Variants in KCNT2 observed in about 807,000 individuals in gnomAD.
KCNT2 encodes potassium sodium-activated channel subfamily T member 2.
In KCNT2, 67 loss-of-function variants were observed where a neutral mutation model predicts 153.8. The observed-to-expected ratio is 0.44, with a 90% CI of 0.36 to 0.53. The LOEUF (loss-of-function observed/expected upper bound fraction) is 0.53, where lower values mean the gene tolerates loss of function less well. KCNT2 is among the 20% of genes least tolerant of loss of function. The pLI is 0.00. For missense variants in KCNT2, 975 were observed against 1,354.8 expected, an observed-to-expected ratio of 0.72 and a Z score of 4.40; for synonymous variants, 500 against 458.8, an observed-to-expected ratio of 1.09 and a Z score of -1.15.
At position 196,352,656 on chromosome 1, in the gene KCNT2, G is replaced by T. The variant is rs186479076; in HGVS notation, c.1404-10428C>A. 2.6e-5 allele frequency among the ~76,000 whole-genome samples: 4 copies of T among 152,114 alleles called. No homozygotes were observed. In the East Asian group the frequency reaches 7.7e-4, roughly 29 times the overall value. ...TTTTGTTGATCCTTTCAAAAAACCA[G>T]CTCCTGGATTCATTAATTTTTTGAA... is the stretch of plus-strand genomic sequence containing the variant. On this transcript the variant is annotated intron_variant, in intron 14 of 27. Coordinates refer to ENST00000294725, the MANE Select transcript of KCNT2 (RefSeq NM_198503.5).
At position 196,445,685 on chromosome 1, in the gene KCNT2, T is replaced by G. The variant is rs573589815; in HGVS notation, c.639-15928A>C. ...TAAAATCAACTGAAAAATTTCTCCC[T>G]TCTAAGAGATGGTTAATGAACTTAT... On this transcript the variant is annotated intron_variant, in intron 8 of 27. Transcript: ENST00000294725. Among the ~76,000 whole-genome samples, 147 of 151,568 alleles carry G rather than the reference T, an allele frequency of 9.7e-4. 1 individual carries two copies. The highest frequency in any genetic ancestry group is 2.0e-3 in the African/African-American group (84 of 41,488).
intron 1 of KCNT2, among the ~76,000 whole-genome samples, chr1:196,501,139 A>G (rs1680665950): frequency 6.6e-6 from 1 of 152,214 alleles, no homozygotes; most frequent in Admixed American, 6.5e-5. Flanking sequence ...GGTAAACAGT[A>G]TGGAGATTTT....
intron 12 of KCNT2, among the ~76,000 whole-genome samples, chr1:196,402,369 A>C (rs1309110782): frequency 2.0e-5 from 3 of 151,680 alleles, no homozygotes; most frequent in Non-Finnish European, 4.4e-5. Flanking sequence ...TCTATGGATA[A>C]ATTATTATAT....
At chr1:196,408,849 T>C (rs1194489105) in intron 12 of KCNT2, among the ~76,000 whole-genome samples, 2 of 151,568 alleles carry the variant, frequency 1.3e-5, no homozygotes, top group Non-Finnish European at 3.0e-5. Flanking sequence ...TTCCATTTTT[T>C]AGTGTAATAT....
At chr1:196,561,684 G>A (rs76219859) in intron 1 of KCNT2, among the ~76,000 whole-genome samples, 6,311 of 88,846 alleles carry the variant, frequency 0.071, no homozygotes, top group East Asian at 0.099. Context: ...AAAAGAAGAA[G>A]AAGAAAGAAT....
At chr1:196,418,763 T>C (rs1672954282) in intron 12 of KCNT2, among the ~76,000 whole-genome samples, 1 of 152,136 alleles carries the variant, frequency 6.6e-6, no homozygotes, top group South Asian at 2.1e-4. Flanking sequence ...AAAAGCCCTA[T>C]ATCCAAATAC....
chr1:196,354,271 C>T (rs1305268692), intron 14 of KCNT2, among the ~76,000 whole-genome samples: 1 of 151,730 alleles, frequency 6.6e-6, no homozygotes, highest in Non-Finnish European at 1.5e-5. Flanking sequence ...AGCACCTCTA[C>T]ACTGTAATCC....
chr1:196,337,282 A>G (rs1403391186), intron 16 of KCNT2, among the ~76,000 whole-genome samples: 3 of 151,390 alleles, frequency 2.0e-5, no homozygotes, highest in Non-Finnish European at 4.4e-5. Flanking sequence ...GTTCAATTTC[A>G]TTTTGTAAGG....
At chr1:196,261,167 C>T (rs373461020) in intron 25 of KCNT2, among the ~76,000 whole-genome samples, 18 of 151,812 alleles carry the variant, frequency 1.2e-4, no homozygotes, top group Non-Finnish European at 2.7e-4. Context: ...TAGTATAGTG[C>T]TGGATACACA....
At chr1:196,290,651 A>G (rs767113457) in intron 22 of KCNT2, among the ~76,000 whole-genome samples, 1 of 151,372 alleles carries the variant, frequency 6.6e-6, no homozygotes, top group African/African-American at 2.4e-5. Context: ...TTTTTTACTT[A>G]TGTACTATAA....
chr1:196,316,975 G>C (rs1316388283), intron 20 of KCNT2, among the ~76,000 whole-genome samples: 3 of 151,702 alleles, frequency 2.0e-5, no homozygotes, highest in Non-Finnish European at 4.4e-5. Flanking sequence ...CGTATCTTCT[G>C]ATTTATAATA....
intron 14 of KCNT2, among the ~76,000 whole-genome samples, chr1:196,348,124 T>C (rs1666294542): frequency 6.6e-6 from 1 of 152,078 alleles, no homozygotes; most frequent in Non-Finnish European, 1.5e-5. Context: ...GCTTTTCTAA[T>C]TATATAATTC....
intron 13 of KCNT2, among the ~76,000 whole-genome samples, chr1:196,376,070 C>A (rs1380062702): frequency 2.0e-5 from 3 of 151,822 alleles, no homozygotes; most frequent in African/African-American, 7.2e-5. Flanking sequence ...AACCACTAAT[C>A]CTCAGCCTGA....
At position 196,293,906 on chromosome 1, in the gene KCNT2, C is replaced by T. The variant is rs75874802; in HGVS notation, c.2596-8148G>A. Reference sequence around the variant, plus strand: ...ACAAAAAACAAAACAATTAATGGAACGAACAGACATCCTATAGATTAGGAG... The same window carrying T: ...ACAAAAAACAAAACAATTAATGGAATGAACAGACATCCTATAGATTAGGAG... On this transcript the variant is annotated intron_variant, in intron 22 of 27. Coordinates refer to ENST00000294725, the MANE Select transcript of KCNT2 (RefSeq NM_198503.5). Among the ~76,000 whole-genome samples, 562 of 148,698 alleles carry T rather than the reference C, an allele frequency of 3.8e-3. 3 individuals are homozygous for T. The highest frequency in any genetic ancestry group is 0.013 in the African/African-American group (525 of 40,636).
chr1:196,265,060 T>G (rs1443829634), intron 25 of KCNT2, among the ~76,000 whole-genome samples: 1 of 152,186 alleles, frequency 6.6e-6, no homozygotes, highest in African/African-American at 2.4e-5. Context: ...ATATGAGTTG[T>G]AGCCCTTTCA....
intron 8 of KCNT2, among the ~76,000 whole-genome samples, chr1:196,454,839 G>T (rs554903020): frequency 1.3e-5 from 2 of 151,928 alleles, no homozygotes; most frequent in Non-Finnish European, 2.9e-5. Context: ...GGCTCAGCCG[G>T]TTTCTTCTCT....
chr1:196,314,805 T>C (rs1223974270), intron 21 of KCNT2, among the ~76,000 whole-genome samples: 1 of 151,698 alleles, frequency 6.6e-6, no homozygotes, highest in African/African-American at 2.4e-5. Context: ...GGCTTTTCCC[T>C]TCTGCCACAT....
intron 15 of KCNT2, among the ~76,000 whole-genome samples, chr1:196,341,162 T>C (rs934861723): frequency 6.6e-6 from 1 of 152,008 alleles, no homozygotes; most frequent in Non-Finnish European, 1.5e-5. Context: ...TATTGTTAAA[T>C]AAAAAATGCT....
chr1:196,319,642 G>T, intron 19 of KCNT2, 87 bp from the exon 20 acceptor site: 1 of 795,686 alleles, frequency 1.3e-6, no homozygotes, highest in Non-Finnish European at 2.0e-6. Flanking sequence ...GACTTAGTTT[G>T]CATTTCCAAA....
Sources: gnomAD v4.1 joint callset for allele counts (sites outside exome capture counted in the v4.1 genomes callset) on GRCh38, gnomAD v4.1.1 for gene constraint, MANE v1.5 for transcripts, NCBI Gene and HGNC (gene_info 2026-07-23, HGNC 2026-07-21) for gene names.